The following MRPS33 variants were observed in gnomAD, a reference collection of about 807,000 sequenced individuals.
MRPS33 encodes the protein small ribosomal subunit protein mS33.
Under a neutral mutation model 11.2 loss-of-function variants are expected in MRPS33, and 11 were observed. The observed-to-expected ratio is 0.99, with a 90% CI of 0.62 to 1.63. The LOEUF is 1.63. Ranked by LOEUF, MRPS33 falls within the 40% of genes most tolerant of loss-of-function variation. The pLI, the probability that MRPS33 is intolerant of heterozygous loss-of-function variation, is 0.00. For synonymous variants in MRPS33, 46 were observed against 44.0 expected (o/e 1.05, Z -0.18); for missense variants, 109 against 127.8 (o/e 0.85, Z 0.71).
chr7:141,009,397 A>G (rs38737), intron 2 of MRPS33, among the ~76,000 whole-genome samples: 131,421 of 151,796 alleles, frequency 0.87, 56,979 homozygotes, highest in East Asian at 0.99. Context: ...CTCCCAAAGC[A>G]CTGGGATTAT....
intron 2 of MRPS33, among the ~76,000 whole-genome samples, chr7:141,009,295 C>G (rs938158729): frequency 7.9e-5 from 12 of 151,724 alleles, no homozygotes; most frequent in African/African-American, 2.9e-4. Context: ...CCACGCCCAG[C>G]TAATTTTTGT....
In MRPS33 at chr7:141,004,624, C is replaced by A. The variant is rs907219324; in HGVS notation, c.*1806G>T. On this transcript the variant is annotated 3_prime_UTR_variant, in exon 3 of 3. Transcript: ENST00000324787. ...TGAATAATATGTTTGAATATTGACA[C>A]TATTGTACACTTAAATATGGTTAAG... 6.6e-6 allele frequency: 1 copy of A among 152,050 alleles called. No individual in the cohort carries two copies. The highest frequency in any genetic ancestry group is 1.5e-5 in the Non-Finnish European group (1 of 68,020). The allele number at this position is 152,050 out of a possible 1,614,324, so 9.4% of individuals were successfully genotyped here.
chr7:141,014,830 A>T (rs1176075347), intron 1 of MRPS33, 81 bp downstream of exon 1: 1 of 151,678 alleles, frequency 6.6e-6, no homozygotes, highest in Non-Finnish European at 1.5e-5. Flanking sequence ...ATTCCTGGCG[A>T]CTCTACAAGG....
rs1009228822 is a variant in MRPS33, at chr7:141,002,794, T to C, written c.*3636A>G. 3.7e-5 allele frequency: 6 copies of C among 162,224 alleles called. No homozygotes were observed. The highest frequency in any genetic ancestry group is 5.4e-5 in the Non-Finnish European group (4 of 74,052). The allele number at this position is 162,224 out of a possible 1,614,324, so 10.0% of individuals were successfully genotyped here. The stretch of plus-strand genomic sequence containing the variant: ...AATAAGATGTTACCTCTCATCTACC[T>C]CCTCTTCCTGAACCTATCATGCTGC... On this transcript the variant is annotated 3_prime_UTR_variant, in exon 3 of 3. Transcript: ENST00000324787.
In MRPS33 at chr7:141,010,099, G is replaced by T. The variant is rs368468860; in HGVS notation, c.215+320C>A. 3.1e-4 allele frequency: 66 copies of T among 212,990 alleles called. No homozygotes were observed. In the South Asian group the frequency reaches 5.1e-3, roughly 17 times the overall value. 13.2% of individuals were successfully genotyped at this position (212,990 alleles called of 1,614,324 possible). A position where few individuals can be genotyped will look rare whatever the true frequency, so the allele number is the denominator to read the frequency against. On this transcript the variant is annotated intron_variant, in intron 2 of 2. Transcript: ENST00000324787. ...TTACAAGCGTGAGCCACTGCGCCTG[G>T]CCTCTTGGCATCCTTTTTAGAGTGC...
chr7:141,010,851 T>G (rs993817815), intron 1 of MRPS33, among the ~76,000 whole-genome samples, 191 bp from the exon 2 acceptor site: 43 of 152,194 alleles, frequency 2.8e-4, no homozygotes, highest in African/African-American at 9.4e-4. Context: ...CAGCTGCGAT[T>G]TTTGCACTTC....
Position 141,006,468 on chromosome 7 carries a change from T to C in MRPS33, c.283A>G (p.Lys95Glu), listed in dbSNP as rs546193173. 16 of 1,613,864 alleles carry C rather than the reference T, an allele frequency of 9.9e-6. No homozygotes were observed. The highest frequency in any genetic ancestry group is 1.3e-5 in the Non-Finnish European group (15 of 1,180,038). ...LKKLRGKEKP[K>E]KGEGKRAAKR... is the part of the protein sequence containing the mutation. Reference sequence around the variant, plus strand: ...GCTGCTCTTTTCCCTTCTCCTTTCTTTGGTTTCTCCTTTCCACGAAGCTTC... The same window carrying C: ...GCTGCTCTTTTCCCTTCTCCTTTCTCTGGTTTCTCCTTTCCACGAAGCTTC... Residue 95 changes from lysine to glutamate, a missense_variant, in exon 3 of 3, where the codon AAG (lysine) becomes GAG (glutamate). By Grantham distance (56) the Lys-to-Glu change is moderately conservative. Coordinates refer to ENST00000324787, the MANE Select transcript of MRPS33 (RefSeq NM_053035.3).
At chr7:141,008,821 G>A (rs1447361285) in intron 2 of MRPS33, among the ~76,000 whole-genome samples, 1 of 141,964 alleles carries the variant, frequency 7.0e-6, no homozygotes, top group Non-Finnish European at 1.5e-5. Context: ...TTTTTTTTGA[G>A]ACCGAATCTC....
intron 1 of MRPS33, 30 bp from the exon 2 acceptor site, chr7:141,010,690 G>T (rs1415577172): frequency 5.3e-6 from 8 of 1,509,636 alleles, no homozygotes; most frequent in Non-Finnish European, 7.4e-6. Context: ...AGTTAAACAG[G>T]TTAGGGTAAG....
In MRPS33 at chr7:141,014,046, C is replaced by A. The variant is rs770690975; in HGVS notation, c.-28+865G>T. ...AGAGCTTTCTCCAGTTTCCCAAAAACCATTGGTTAGCAGAACGCACCAGCT... is the reference window on the plus strand; with the variant it reads ...AGAGCTTTCTCCAGTTTCCCAAAAAACATTGGTTAGCAGAACGCACCAGCT... On this transcript the variant is annotated intron_variant, in intron 1 of 2. Transcript: ENST00000324787. Among the ~76,000 whole-genome samples the A allele has an allele frequency of 9.9e-5, 15 of 152,232 alleles. 1 individual carries two copies. The highest frequency in any genetic ancestry group is 3.4e-3 in the Middle Eastern group (1 of 294).
intron 1 of MRPS33, among the ~76,000 whole-genome samples, chr7:141,013,024 A>G (rs1820715004): frequency 6.6e-6 from 1 of 152,078 alleles, no homozygotes; most frequent in Non-Finnish European, 1.5e-5. Context: ...TTCTACATAG[A>G]CACATTTGTT....
At position 141,004,731 on chromosome 7, in the gene MRPS33, T is replaced by TG. The variant is rs1820482288; in HGVS notation, c.*1698dup. 6.6e-6 allele frequency: 1 copy of TG among 151,958 alleles called. No individual in the cohort carries two copies. Among genetic ancestry groups the TG allele is most frequent in the Non-Finnish European group, 1.5e-5 (1 of 67,964 alleles). The allele number at this position is 151,958 out of a possible 1,614,324, so 9.4% of individuals were successfully genotyped here. The stretch of plus-strand genomic sequence containing the variant: ...CATGCTAAAGATTCAGAACAACTGT[T>TG]GGAAAAAAAAATCAGAGAAGCCTTC... On this transcript the variant is annotated 3_prime_UTR_variant, in exon 3 of 3. Transcript: ENST00000324787.
At position 141,003,450 on chromosome 7, in the gene MRPS33, G is replaced by A. The variant is rs1275271308; in HGVS notation, c.*2980C>T. The A allele has an allele frequency of 6.6e-6, 1 of 152,186 alleles. No individual in the cohort carries two copies. Among genetic ancestry groups the A allele is most frequent in the African/African-American group, 2.4e-5 (1 of 41,426 alleles). The allele number at this position is 152,186 out of a possible 1,614,324, so 9.4% of individuals were successfully genotyped here. A position where few individuals can be genotyped will look rare whatever the true frequency, so the allele number is the denominator to read the frequency against. ...TTGAAGGTATAGCTTATGTACAAATGTATTTTAGCTTTCATTTCTGATTTT... is the reference window on the plus strand; with the variant it reads ...TTGAAGGTATAGCTTATGTACAAATATATTTTAGCTTTCATTTCTGATTTT... On this transcript the variant is annotated 3_prime_UTR_variant, in exon 3 of 3. Transcript: ENST00000324787.
rs1431278325 is a variant in MRPS33, at chr7:141,003,847, A to G, written c.*2583T>C. The G allele has an allele frequency of 6.6e-6, 1 of 152,242 alleles. No individual in the cohort carries two copies. Among genetic ancestry groups the G allele is most frequent in the East Asian group, 1.9e-4 (1 of 5,200 alleles). 9.4% of individuals were successfully genotyped at this position (152,242 alleles called of 1,614,324 possible). On this transcript the variant is annotated 3_prime_UTR_variant, in exon 3 of 3. Coordinates refer to ENST00000324787, the MANE Select transcript of MRPS33 (RefSeq NM_053035.3). ...ACCTGGCTCAGCTGCATTGGCCAAG[A>G]ATAACAGTGCATCTGCACTTTTCTA...
rs529336982 is a variant in MRPS33, at chr7:141,004,942, T to C, written c.*1488A>G. ...TTTGCATTTTTTAGTAGAGACGGGG[T>C]TTCACCATGTTAGCCAGGATGGTCT... On this transcript the variant is annotated 3_prime_UTR_variant, in exon 3 of 3. Transcript: ENST00000324787. 2.0e-5 allele frequency: 3 copies of C among 152,122 alleles called. No individual in the cohort carries two copies. The East Asian group carries it at 5.8e-4, about 30-fold the overall frequency. 9.4% of individuals were successfully genotyped at this position (152,122 alleles called of 1,614,324 possible).
rs1820473627 is a variant in MRPS33, at chr7:141,004,369, A to C, written c.*2061T>G. 6.6e-6 allele frequency: 1 copy of C among 151,230 alleles called. No individual in the cohort carries two copies. The highest frequency in any genetic ancestry group is 1.5e-5 in the Non-Finnish European group (1 of 67,640). The allele number at this position is 151,230 out of a possible 1,614,324, so 9.4% of individuals were successfully genotyped here. ...CACTTCTACCACATACAAACCACCC[A>C]ATTTTATTTTATTTTATTTTTTTAA... On this transcript the variant is annotated 3_prime_UTR_variant, in exon 3 of 3. Transcript: ENST00000324787.
rs1820694170 is a variant in MRPS33, at chr7:141,012,240, A to ACAC, written c.-27-1583_-27-1581dup. On this transcript the variant is annotated intron_variant, in intron 1 of 2. Transcript: ENST00000324787. ...ACTGTCAACCTCAAAACCATTCAGA[A>ACAC]CACCAACCAAGCAATTTTGGGTCAA... Among the ~76,000 whole-genome samples, 3 of 150,310 alleles carry ACAC rather than the reference A, an allele frequency of 2.0e-5. No individual in the cohort carries two copies. The South Asian group carries it at 6.3e-4, about 32-fold the overall frequency.
At chr7:141,007,270 C>A (rs1820555278) in intron 2 of MRPS33, among the ~76,000 whole-genome samples, 1 of 152,124 alleles carries the variant, frequency 6.6e-6, no homozygotes, top group Admixed American at 6.5e-5. Context: ...AGATCTGTCA[C>A]CTTGGATAAG....
At chr7:141,010,299 T>C in intron 2 of MRPS33, 120 bp downstream of exon 2, 1 of 910,716 alleles carries the variant, frequency 1.1e-6, no homozygotes, top group Non-Finnish European at 1.7e-6. Context: ...ACTGTACCTT[T>C]TGAACTACCT....
Sources: gnomAD v4.1 joint callset for allele counts (sites outside exome capture counted in the v4.1 genomes callset) on GRCh38, gnomAD v4.1.1 for gene constraint, MANE v1.5 for transcripts, NCBI Gene and HGNC (gene_info 2026-07-23, HGNC 2026-07-21) for gene names.